ANKS1A: variants seen among roughly 807,000 people sequenced by gnomAD.
The protein encoded by ANKS1A is ankyrin repeat and SAM domain-containing protein 1A.
A neutral mutation model predicts 120.3 loss-of-function variants in ANKS1A; 55 were observed. The ratio of observed to expected loss-of-function variants is 0.46; its 90% CI spans 0.37 to 0.57. ANKS1A has a LOEUF of 0.57. Among genes scored for constraint, ANKS1A ranks in the 20% least tolerant of loss-of-function variants. The pLI is 0.00. For synonymous variants in ANKS1A, 590 were observed against 604.7 expected (o/e 0.98, Z 0.36); for missense variants, 1,123 against 1,480.3 (o/e 0.76, Z 3.96).
At position 35,086,325 on chromosome 6, in the gene ANKS1A, G is replaced by A. The variant is rs150043621; in HGVS notation, c.3303+389G>A. On this transcript the variant is annotated intron_variant, in intron 22 of 23. Coordinates refer to ENST00000360359, the MANE Select transcript of ANKS1A (RefSeq NM_015245.3). The surrounding 1 kb of genome is among the most constrained non-coding windows in gnomAD (Gnocchi z 5.1). Reference sequence around the variant, plus strand: ...TACTGTCACACCTGCACCACCCACCGTCCTTCCTACCTACCGCTGCCATCT... The same window carrying A: ...TACTGTCACACCTGCACCACCCACCATCCTTCCTACCTACCGCTGCCATCT... 66 of 1,303,256 alleles carry A rather than the reference G, an allele frequency of 5.1e-5. No homozygotes were observed. Among genetic ancestry groups the A allele is most frequent in the Admixed American group, 9.1e-5 (4 of 43,914 alleles). The allele number at this position is 1,303,256 out of a possible 1,614,324, so 80.7% of individuals were successfully genotyped here.
chr6:35,084,184 T>C lies in ANKS1A; in HGVS notation c.3058T>C (p.Cys1020Arg), dbSNP rs767123440. 12 of 1,614,092 alleles carry C rather than the reference T, an allele frequency of 7.4e-6. No homozygotes were observed. Among genetic ancestry groups the C allele is most frequent in the East Asian group, 4.5e-5 (2 of 44,902 alleles). The change falls in exon 21 of 24, where the codon TGT becomes CGT. Residue 1020 changes from cysteine to arginine, a missense_variant. Coordinates refer to ENST00000360359, the MANE Select transcript of ANKS1A (RefSeq NM_015245.3). This position sits in a 1 kb window ranked among gnomAD's most constrained non-coding sequence, Gnocchi z 4.8. Reference sequence around the variant, plus strand: ...TGCGGCCCAGGACCCGGAGGACCTCTGTACCTTTGCCTACATCACCAAGGA... The same window carrying C: ...TGCGGCCCAGGACCCGGAGGACCTCCGTACCTTTGCCTACATCACCAAGGA... ...SCAAQDPEDL[C>R]TFAYITKDLQ...
Position 35,079,891 on chromosome 6 carries a change from A to G in ANKS1A, c.2507A>G (p.Glu836Gly), listed in dbSNP as rs1394624038. ...IASLADRPYE[E>G]PPQKPPRFSQ... ...TCCCTCGCAGACAGACCGTACGAGG[A>G]GCCGCCCCAGAAGCCCCCCAGATTC... The change falls in exon 16 of 24, where the codon GAG (glutamate) becomes GGG (glycine). Residue 836 changes from glutamate to glycine, a missense_variant. Glu to Gly is a moderately conservative substitution (Grantham distance 98). Around this residue, in one of 3 missense-constraint regions of ANKS1A, gnomAD observed 904 missense variants for 1,130.4 expected, o/e 0.80. Transcript: ENST00000360359. 6 of 1,561,034 alleles carry G rather than the reference A, an allele frequency of 3.8e-6. No homozygotes were observed. In the South Asian group the frequency reaches 5.9e-5, roughly 15 times the overall value.
Position 35,006,238 on chromosome 6 carries a change from T to A in ANKS1A, c.1424-11235T>A, listed in dbSNP as rs538786249. ...AATTAGGCGTGATATCACACACCTG[T>A]AATCCCAGCTACTCAGGAGGCTGAG... On this transcript the variant is annotated intron_variant, in intron 10 of 23. Coordinates refer to ENST00000360359, the MANE Select transcript of ANKS1A (RefSeq NM_015245.3). Among the ~76,000 whole-genome samples, 6 of 149,114 alleles carry A rather than the reference T, an allele frequency of 4.0e-5. No individual in the cohort carries two copies. The South Asian group carries it at 1.3e-3, about 32-fold the overall frequency.
intron 10 of ANKS1A, among the ~76,000 whole-genome samples, chr6:35,016,728 T>A (rs1774021958): frequency 7.0e-6 from 1 of 143,416 alleles, no homozygotes; most frequent in African/African-American, 2.7e-5. Context: ...TATGAGCAGC[T>A]GGGAGATTTT....
At chr6:35,062,728 C>T (rs573845572) in intron 13 of ANKS1A, among the ~76,000 whole-genome samples, 89 of 152,324 alleles carry the variant, frequency 5.8e-4, no homozygotes, top group Non-Finnish European at 7.8e-4. Flanking sequence ...GGGACTGTAA[C>T]GCCATGTGGT....
intron 1 of ANKS1A, among the ~76,000 whole-genome samples, chr6:34,962,073 A>G (rs761396072): frequency 7.9e-5 from 12 of 152,350 alleles, no homozygotes; most frequent in East Asian, 1.9e-4. Context: ...ATGGTACCTC[A>G]CAGATTTTCC....
intron 11 of ANKS1A, among the ~76,000 whole-genome samples, chr6:35,027,104 C>G (rs1165203059): frequency 6.6e-6 from 1 of 152,050 alleles, no homozygotes; most frequent in Non-Finnish European, 1.5e-5. Flanking sequence ...ACCAGGATCA[C>G]GAAGCAAAGG....
At chr6:35,073,848 A>G (rs1380243799) in intron 13 of ANKS1A, among the ~76,000 whole-genome samples, 3 of 152,214 alleles carry the variant, frequency 2.0e-5, no homozygotes, top group African/African-American at 4.8e-5. Context: ...GGTAACTTCC[A>G]GAAACGTTTC....
At chr6:34,945,874 T>G (rs533288403) in intron 1 of ANKS1A, among the ~76,000 whole-genome samples, 1 of 152,232 alleles carries the variant, frequency 6.6e-6, no homozygotes, top group South Asian at 2.1e-4. Context: ...TTCTTCATTA[T>G]CCTTTTAATA....
intron 1 of ANKS1A, among the ~76,000 whole-genome samples, chr6:34,909,368 A>C (rs760216683): frequency 6.6e-6 from 1 of 152,200 alleles, no homozygotes; most frequent in Non-Finnish European, 1.5e-5. Context: ...CTATGTCTTC[A>C]ACTGACATTT....
intron 1 of ANKS1A, among the ~76,000 whole-genome samples, chr6:34,964,968 GA>G (rs1243912561): frequency 6.6e-6 from 1 of 152,092 alleles, no homozygotes; most frequent in Non-Finnish European, 1.5e-5. Context: ...CTGTAGATCT[GA>G]CCTTGTCTAC....
In ANKS1A at chr6:35,090,287, A is replaced by G. The variant is rs182027367; in HGVS notation, c.*1678A>G. ...AGTTCTCGGCCCCGGCTTTCTTCCA[A>G]GAGTTGACCAGGAACCCTAAAGCAT... On this transcript the variant is annotated 3_prime_UTR_variant, in exon 24 of 24. Transcript: ENST00000360359. The G allele has an allele frequency of 3.7e-5, 48 of 1,289,696 alleles. No individual in the cohort carries two copies. The African/African-American group carries it at 5.3e-4, about 14-fold the overall frequency. 79.9% of individuals were successfully genotyped at this position (1,289,696 alleles called of 1,614,324 possible). A position where few individuals can be genotyped will look rare whatever the true frequency, so the allele number is the denominator to read the frequency against.
intron 3 of ANKS1A, among the ~76,000 whole-genome samples, chr6:34,970,442 T>C (rs976163806): frequency 2.6e-5 from 4 of 152,166 alleles, no homozygotes; most frequent in Non-Finnish European, 2.9e-5. Context: ...AGAATAAAAA[T>C]GTATACACAG....
intron 11 of ANKS1A, among the ~76,000 whole-genome samples, chr6:35,042,060 T>G (rs1775488716): frequency 6.6e-6 from 1 of 152,168 alleles, no homozygotes; most frequent in African/African-American, 2.4e-5. Flanking sequence ...AGGAAGGGCA[T>G]TTTCTATTTC....
At chr6:34,997,847 C>G (rs1424415261) in intron 10 of ANKS1A, among the ~76,000 whole-genome samples, 2 of 152,192 alleles carry the variant, frequency 1.3e-5, no homozygotes, top group African/African-American at 4.8e-5. Flanking sequence ...ATCCCCATAT[C>G]AAGAGATCGT....
In ANKS1A at chr6:35,089,367, G is replaced by A. The variant is rs1269015366; in HGVS notation, c.*758G>A. 258 of 986,696 alleles carry A rather than the reference G, an allele frequency of 2.6e-4. 1 individual carries two copies. The highest frequency in any genetic ancestry group is 3.1e-4 in the Non-Finnish European group (255 of 830,672). 61.1% of individuals were successfully genotyped at this position (986,696 alleles called of 1,614,324 possible). ...GTCTTAGCCAGCACCAGAGCGCCAG[G>A]CCTCTCCCTGGCCTCTTACCTGTCA... On this transcript the variant is annotated 3_prime_UTR_variant, in exon 24 of 24. Coordinates refer to ENST00000360359, the MANE Select transcript of ANKS1A (RefSeq NM_015245.3).
Position 35,091,202 on chromosome 6 carries a change from T to TC in ANKS1A, c.*2593_*2594insC. 1 of 985,880 alleles carries TC rather than the reference T, an allele frequency of 1.0e-6. No homozygotes were observed. Among genetic ancestry groups the TC allele is most frequent in the Non-Finnish European group, 1.2e-6 (1 of 829,922 alleles). The allele number at this position is 985,880 out of a possible 1,614,324, so 61.1% of individuals were successfully genotyped here. ...ACTTTCCCTTTTGTTTTACTGTATA[T>TC]AAAATTGTTAATCTGTCTGATTTTG... On this transcript the variant is annotated 3_prime_UTR_variant, in exon 24 of 24. Transcript: ENST00000360359.
At chr6:34,890,311 C>CG (rs1425030556) in intron 1 of ANKS1A, among the ~76,000 whole-genome samples, 3 of 152,132 alleles carry the variant, frequency 2.0e-5, no homozygotes, top group African/African-American at 7.2e-5. Context: ...AGGCTGGTCT[C>CG]GAACTCTTGA....
rs532315173 is a variant in ANKS1A at position 35,052,509 on chromosome 6, CGTCTTAGCTATTCAGGA to C, written c.2011-1574_2011-1558del. Among the ~76,000 whole-genome samples, 786 of 145,938 alleles carry C rather than the reference CGTCTTAGCTATTCAGGA, an allele frequency of 5.4e-3. 8 individuals are homozygous for C. Among genetic ancestry groups the C allele is most frequent in the African/African-American group, 0.019 (745 of 39,506 alleles). ...CATGGTGGCACCTACCTGTCGTCGT[CGTCTTAGCTATTCAGGA>C]GTCTTAGCTATTCAGTGGGAGGATC... On this transcript the variant is annotated intron_variant, in intron 11 of 23. Transcript: ENST00000360359.
Sources: gnomAD v4.1 joint callset for allele counts (sites outside exome capture counted in the v4.1 genomes callset) on GRCh38, gnomAD v4.1.1 for gene constraint, gnomAD v4.1.1 regional missense constraint, Gnocchi (gnomAD v3.1) non-coding constraint, MANE v1.5 for transcripts, NCBI Gene and HGNC (gene_info 2026-07-23, HGNC 2026-07-21) for gene names.